GALNT2: variants seen among roughly 807,000 people sequenced by gnomAD.
The protein encoded by GALNT2 is polypeptide N-acetylgalactosaminyltransferase 2.
GALNT2 carries 31 observed loss-of-function variants against 81.4 expected under a neutral mutation model. The observed-to-expected ratio is 0.38, with a 90% CI of 0.29 to 0.51. The LOEUF (loss-of-function observed/expected upper bound fraction) is 0.51, where lower values mean the gene tolerates loss of function less well. Among genes scored for constraint, GALNT2 ranks in the 20% least tolerant of loss-of-function variants. The pLI, the probability that GALNT2 is intolerant of heterozygous loss-of-function variation, is 0.87. For synonymous variants in GALNT2, 303 were observed against 287.4 expected (o/e 1.05, Z -0.55); for missense variants, 629 against 765.7 (o/e 0.82, Z 2.11).
chr1:230,240,501 AGACTC>A (rs1665168564), intron 6 of GALNT2, among the ~76,000 whole-genome samples: 1 of 152,200 alleles, frequency 6.6e-6, no homozygotes, highest in Admixed American at 6.5e-5. Context: ...CTGAGGCAGA[AGACTC>A]GCTTGAACAT....
chr1:230,136,159 T>C (rs1661531711), intron 1 of GALNT2, among the ~76,000 whole-genome samples: 2 of 152,192 alleles, frequency 1.3e-5, no homozygotes, highest in African/African-American at 4.8e-5. Context: ...TCCCATCTTC[T>C]CAGGAGTTGG....
intron 3 of GALNT2, among the ~76,000 whole-genome samples, chr1:230,208,584 G>A (rs1290808631): frequency 6.6e-6 from 1 of 152,324 alleles, no homozygotes; most frequent in East Asian, 1.9e-4. Context: ...TAAGCCCAAG[G>A]GAATGGATGC....
intron 1 of GALNT2, among the ~76,000 whole-genome samples, chr1:230,125,940 G>A (rs780995633): frequency 3.3e-5 from 5 of 152,172 alleles, no homozygotes; most frequent in African/African-American, 4.8e-5. Flanking sequence ...GTGAATATAC[G>A]AAGGAAGGTG....
At chr1:230,197,554 TTC>T (rs919514877) in intron 2 of GALNT2, among the ~76,000 whole-genome samples, 5 of 152,190 alleles carry the variant, frequency 3.3e-5, no homozygotes, top group African/African-American at 1.2e-4. Flanking sequence ...GGCAGGGACA[TTC>T]TGTTTGTGTT....
intron 2 of GALNT2, among the ~76,000 whole-genome samples, chr1:230,197,966 A>T (rs1437564028): frequency 6.6e-6 from 1 of 152,122 alleles, no homozygotes; most frequent in Admixed American, 6.5e-5. Context: ...GAACACATTT[A>T]AAAAATGCCT....
chr1:230,074,448 C>T (rs1406773988), intron 1 of GALNT2, among the ~76,000 whole-genome samples: 1 of 152,278 alleles, frequency 6.6e-6, no homozygotes, highest in East Asian at 1.9e-4. Flanking sequence ...CAGCCTCTCC[C>T]CACTAGATGC....
rs181092231 is a variant in GALNT2, at chr1:230,234,830, G to A, written c.375-1184G>A. The stretch of plus-strand genomic sequence containing the variant: ...CTGCTTTGAAGGGTTCCTCCTGATG[G>A]GTTCTGCTGAGCCCGGTAAACCTTT... On this transcript the variant is annotated intron_variant, in intron 3 of 15. Coordinates refer to ENST00000366672, the MANE Select transcript of GALNT2 (RefSeq NM_004481.5). Among the ~76,000 whole-genome samples, 330 of 152,266 alleles carry A rather than the reference G, an allele frequency of 2.2e-3. 4 individuals are homozygous for A. The highest frequency in any genetic ancestry group is 2.0e-3 in the Non-Finnish European group (138 of 68,010).
At chr1:230,072,877 T>C (rs537196581) in intron 1 of GALNT2, among the ~76,000 whole-genome samples, 32 of 152,322 alleles carry the variant, frequency 2.1e-4, no homozygotes, top group Non-Finnish European at 4.1e-4. Flanking sequence ...AACATGCTGA[T>C]TGTCACCCCT....
intron 11 of GALNT2, among the ~76,000 whole-genome samples, chr1:230,256,204 C>T (rs115199527): frequency 7.0e-4 from 106 of 152,196 alleles, no homozygotes; most frequent in Non-Finnish European, 1.3e-3. Flanking sequence ...TGCGGGAGGC[C>T]GAGATGGGCA....
chr1:230,141,277 C>G (rs1079251), intron 1 of GALNT2, among the ~76,000 whole-genome samples: 3,533 of 152,246 alleles, frequency 0.023, 71 homozygotes, highest in Middle Eastern at 0.099. Flanking sequence ...GGCTCCAGAC[C>G]CGGGCTGGGT....
chr1:230,180,467 C>T (rs1391817686), intron 2 of GALNT2, among the ~76,000 whole-genome samples: 1 of 151,950 alleles, frequency 6.6e-6, no homozygotes, highest in Non-Finnish European at 1.5e-5. Flanking sequence ...TTCCATTGGT[C>T]TATTTTTCTG....
chr1:230,086,121 A>G (rs554227892), intron 1 of GALNT2, among the ~76,000 whole-genome samples: 1 of 152,366 alleles, frequency 6.6e-6, no homozygotes, highest in East Asian at 1.9e-4. Context: ...ATTTTAATCC[A>G]GGTCTTGGTA....
chr1:230,154,832 T>C (rs1269727347), intron 1 of GALNT2, among the ~76,000 whole-genome samples: 1 of 152,180 alleles, frequency 6.6e-6, no homozygotes, highest in African/African-American at 2.4e-5. Flanking sequence ...AGCCTCCCAG[T>C]TTGTAGTACT....
At chr1:230,239,633 T>C (rs1382204092) in intron 6 of GALNT2, among the ~76,000 whole-genome samples, 1 of 152,182 alleles carries the variant, frequency 6.6e-6, no homozygotes, top group Non-Finnish European at 1.5e-5. Context: ...CCCACCCAGA[T>C]TGAGGGTAGT....
At chr1:230,214,392 G>A (rs985397418) in intron 3 of GALNT2, among the ~76,000 whole-genome samples, 4 of 152,198 alleles carry the variant, frequency 2.6e-5, no homozygotes, top group Non-Finnish European at 4.4e-5. Flanking sequence ...GATTACAGGT[G>A]TGAGCCACCA....
rs541699941 is a variant in GALNT2 at position 230,214,643 on chromosome 1, T to C, written c.374+11353T>C. ...ATAATATGCCTAGCAGTTGTTTTCC[T>C]TGTGCTGAACCTGTTTGGGATTTGT... is the stretch of plus-strand genomic sequence containing the variant. On this transcript the variant is annotated intron_variant, in intron 3 of 15. Transcript: ENST00000366672. Among the ~76,000 whole-genome samples, 8 of 152,354 alleles carry C rather than the reference T, an allele frequency of 5.3e-5. No homozygotes were observed. The South Asian group carries it at 1.7e-3, about 32-fold the overall frequency.
intron 1 of GALNT2, among the ~76,000 whole-genome samples, chr1:230,107,076 G>A (rs1660565751): frequency 6.6e-6 from 1 of 152,224 alleles, no homozygotes; most frequent in South Asian, 2.1e-4. Context: ...CGCTCCGCAG[G>A]TGCTGTCTTC....
chr1:230,061,251 G>A (rs555713827), intron 1 of GALNT2, among the ~76,000 whole-genome samples: 3 of 150,382 alleles, frequency 2.0e-5, no homozygotes, highest in South Asian at 2.1e-4. Flanking sequence ...AGTTCATACC[G>A]CTATCTCTAA....
intron 7 of GALNT2, among the ~76,000 whole-genome samples, chr1:230,245,388 C>T (rs1389204887): frequency 6.6e-6 from 1 of 151,760 alleles, no homozygotes; most frequent in Admixed American, 6.6e-5. Context: ...CACTTGAACC[C>T]GCGAGGCGGC....
Sources: allele counts gnomAD v4.1 joint callset (sites outside exome capture counted in the v4.1 genomes callset), GRCh38; gene constraint gnomAD v4.1.1; transcripts MANE v1.5; gene names NCBI Gene and HGNC (gene_info 2026-07-23, HGNC 2026-07-21).